The following DYRK2 variants were observed in gnomAD, a reference collection of about 807,000 sequenced individuals.
The protein encoded by DYRK2 is dual specificity tyrosine phosphorylation regulated kinase 2.
A neutral mutation model predicts 41.6 loss-of-function variants in DYRK2; 12 were observed. The ratio of observed to expected loss-of-function variants is 0.29; its 90% CI spans 0.18 to 0.47. DYRK2 has a LOEUF of 0.47. Ranked by LOEUF, DYRK2 falls within the 20% of genes least tolerant of loss-of-function variation. The probability of loss-of-function intolerance (pLI) is 1.00; values close to 1 mark genes in which losing one functional copy is unlikely to be tolerated. For missense variants in DYRK2, 678 were observed against 798.4 expected, an observed-to-expected ratio of 0.85 and a Z score of 1.82; for synonymous variants, 322 against 315.7, an observed-to-expected ratio of 1.02 and a Z score of -0.21.
chr12:67,649,743 G>T, intron 1 of DYRK2, 54 bp from the exon 2 acceptor site: 1 of 1,302,994 alleles, frequency 7.7e-7, no homozygotes, highest in Non-Finnish European at 9.8e-7. Flanking sequence ...GGGGGGTCTG[G>T]GTGACTTTCT....
chr12:67,650,288 C>G (rs1034966144), intron 2 of DYRK2, among the ~76,000 whole-genome samples: 1 of 152,228 alleles, frequency 6.6e-6, no homozygotes, highest in African/African-American at 2.4e-5. Context: ...CGGTAAACAT[C>G]TCTGTCCTTC....
rs535674843 is a variant in DYRK2 at position 67,658,401 on chromosome 12, C to T, written c.1494C>T (p.Asn498=). Residue 498 remains asparagine, a synonymous_variant, in exon 3 of 3, where the codon AAC becomes AAT. Transcript: ENST00000344096. This position sits in a 1 kb window ranked among gnomAD's most constrained non-coding sequence, Gnocchi z 4.3. Reference sequence around the variant, plus strand: ...CACCGGAGAGCAGAGAGTGGGGGAACGCGCTGAAGGGGTGTGATGATCCCC... The same window carrying T: ...CACCGGAGAGCAGAGAGTGGGGGAATGCGCTGAAGGGGTGTGATGATCCCC... ...RGPPESREWG[N]ALKGCDDPLF... is the part of the protein sequence containing the mutation. The T allele has an allele frequency of 1.2e-5, 19 of 1,598,610 alleles. No homozygotes were observed. The highest frequency in any genetic ancestry group is 6.7e-5 in the East Asian group (3 of 44,758).
intron 2 of DYRK2, among the ~76,000 whole-genome samples, chr12:67,654,923 A>G (rs949713810): frequency 6.6e-6 from 1 of 152,100 alleles, no homozygotes; most frequent in African/African-American, 2.4e-5. Flanking sequence ...GATCAGTTGC[A>G]GGGGGTTATG....
intron 2 of DYRK2, among the ~76,000 whole-genome samples, chr12:67,656,677 C>T (rs1475605705): frequency 6.6e-6 from 1 of 152,004 alleles, no homozygotes; most frequent in Non-Finnish European, 1.5e-5. Flanking sequence ...GACATGGTCC[C>T]TGTCTTCATG....
intron 2 of DYRK2, among the ~76,000 whole-genome samples, chr12:67,653,726 A>G (rs2120821200): frequency 6.6e-6 from 1 of 152,328 alleles, no homozygotes; most frequent in Admixed American, 6.5e-5. Context: ...AGAGTTAACA[A>G]GGAGGATCTA....
chr12:67,650,382 T>C (rs1394479594), intron 2 of DYRK2, among the ~76,000 whole-genome samples: 1 of 152,030 alleles, frequency 6.6e-6, no homozygotes, highest in Non-Finnish European at 1.5e-5. Context: ...GGAAAATCGA[T>C]CCCCCAAAGA....
chr12:67,651,181 T>G (rs1396498676), intron 2 of DYRK2, among the ~76,000 whole-genome samples: 1 of 152,192 alleles, frequency 6.6e-6, no homozygotes, highest in Non-Finnish European at 1.5e-5. Flanking sequence ...TGTTGGACTG[T>G]GGATGGTATA....
In DYRK2 at chr12:67,664,142, A is replaced by G. The variant is rs1158726346; in HGVS notation, c.*5429A>G. The G allele has an allele frequency of 6.6e-6, 1 of 152,168 alleles. No individual in the cohort carries two copies. The highest frequency in any genetic ancestry group is 1.9e-4 in the East Asian group (1 of 5,202). The allele number at this position is 152,168 out of a possible 1,614,324, so 9.4% of individuals were successfully genotyped here. ...AAATGACTGCCAGTGTGTTGCACAT[A>G]CATAAGAAAATTACATCTTACTGCG... On this transcript the variant is annotated 3_prime_UTR_variant, in exon 3 of 3. Coordinates refer to ENST00000344096, the MANE Select transcript of DYRK2 (RefSeq NM_006482.3).
At chr12:67,650,026 G>A in intron 2 of DYRK2, 81 bp downstream of exon 2, 1 of 1,248,698 alleles carries the variant, frequency 8.0e-7, no homozygotes, top group East Asian at 3.2e-5. Flanking sequence ...GGAGGGGTCT[G>A]ACGCCGGGAG....
At chr12:67,649,966 G>A (rs1872265706) in intron 2 of DYRK2, 21 bp downstream of exon 2, 1 of 1,325,046 alleles carries the variant, frequency 7.5e-7, no homozygotes, top group Non-Finnish European at 9.6e-7. Context: ...GCCCGCGGGC[G>A]GCCCGGGCGG....
In DYRK2 at chr12:67,662,062, A is replaced by C. The variant is rs1402485746; in HGVS notation, c.*3349A>C. The stretch of plus-strand genomic sequence containing the variant: ...CAGAATGTTAGAAAACACTTTAGGC[A>C]TCAGTAGCATTGGGCCATATTGGAA... On this transcript the variant is annotated 3_prime_UTR_variant, in exon 3 of 3. Transcript: ENST00000344096. The C allele has an allele frequency of 6.0e-6, 1 of 166,492 alleles. No homozygotes were observed. Among genetic ancestry groups the C allele is most frequent in the African/African-American group, 2.4e-5 (1 of 41,436 alleles). 10.3% of individuals were successfully genotyped at this position (166,492 alleles called of 1,614,324 possible). A position where few individuals can be genotyped will look rare whatever the true frequency, so the allele number is the denominator to read the frequency against.
At position 67,657,243 on chromosome 12, in the gene DYRK2, A is replaced by G; in HGVS notation, c.336A>G (p.Thr112=). 1 of 1,614,120 alleles carries G rather than the reference A, an allele frequency of 6.2e-7. No homozygotes were observed. Among genetic ancestry groups the G allele is most frequent in the Non-Finnish European group, 8.5e-7 (1 of 1,180,022 alleles). Residue 112 remains threonine (T), a synonymous_variant, in exon 3 of 3, where the codon ACA becomes ACG. Coordinates refer to ENST00000344096, the MANE Select transcript of DYRK2 (RefSeq NM_006482.3). The surrounding 1 kb of genome is among the most constrained non-coding windows in gnomAD (Gnocchi z 4.8). The stretch of plus-strand genomic sequence containing the variant: ...TCACGACACAACCAAATGGGCTTAC[A>G]ACAGTGGGCAAAACGGGCTTGCCAG... ...TVLTTQPNGL[T]TVGKTGLPVV...
chr12:67,661,954 G>A lies in DYRK2; in HGVS notation c.*3241G>A, dbSNP rs936969759. ...TGCCTGGCTCTAGTAAGGATGGCCA[G>A]GGATTTTTACAATTTGGGTGCAAGG... On this transcript the variant is annotated 3_prime_UTR_variant, in exon 3 of 3. Transcript: ENST00000344096. The A allele has an allele frequency of 1.2e-5, 2 of 166,602 alleles. No individual in the cohort carries two copies. The highest frequency in any genetic ancestry group is 2.9e-5 in the Non-Finnish European group (2 of 68,086). 10.3% of individuals were successfully genotyped at this position (166,602 alleles called of 1,614,324 possible).
Position 67,649,779 on chromosome 12 carries a change from C to G in DYRK2, c.50-18C>G. ...CCCCCCTGACCCTCTTTTGTCTCCT[C>G]CCGCACGTGGCTTCCAGGCCGAGGT... On this transcript the variant is annotated intron_variant, in intron 1 of 2. Transcript: ENST00000344096. 1 of 1,314,110 alleles carries G rather than the reference C, an allele frequency of 7.6e-7. No homozygotes were observed. The highest frequency in any genetic ancestry group is 9.8e-7 in the Non-Finnish European group (1 of 1,024,600). 81.4% of individuals were successfully genotyped at this position (1,314,110 alleles called of 1,614,324 possible). A position where few individuals can be genotyped will look rare whatever the true frequency, so the allele number is the denominator to read the frequency against.
Position 67,657,021 on chromosome 12 carries a change from G to A in DYRK2, c.199-85G>A. ...GGGATTTTGTAAATGTGAGGTTGGG[G>A]GCGGTGGTGTTGTTGGGGGTTACTT... On this transcript the variant is annotated intron_variant, in intron 2 of 2. Transcript: ENST00000344096. This position sits in a 1 kb window ranked among gnomAD's most constrained non-coding sequence, Gnocchi z 4.8. The A allele has an allele frequency of 7.4e-7, 1 of 1,352,484 alleles. No individual in the cohort carries two copies. The highest frequency in any genetic ancestry group is 2.5e-5 in the East Asian group (1 of 39,256). 83.8% of individuals were successfully genotyped at this position (1,352,484 alleles called of 1,614,324 possible). A position where few individuals can be genotyped will look rare whatever the true frequency, so the allele number is the denominator to read the frequency against.
chr12:67,654,278 G>T (rs368157884), intron 2 of DYRK2, among the ~76,000 whole-genome samples: 1 of 152,340 alleles, frequency 6.6e-6, no homozygotes, highest in South Asian at 2.1e-4. Flanking sequence ...AGTGACAGTA[G>T]TTGATGAGAA....
rs1409116646 is a variant in DYRK2, at chr12:67,649,958, C to T, written c.198+13C>T. 2 of 1,339,184 alleles carry T rather than the reference C, an allele frequency of 1.5e-6. No homozygotes were observed. Among genetic ancestry groups the T allele is most frequent in the South Asian group, 2.0e-5 (1 of 50,342 alleles). 83.0% of individuals were successfully genotyped at this position (1,339,184 alleles called of 1,614,324 possible). Reference sequence around the variant, plus strand: ...CGCAGCCCACACGGTGAGACCCAGCCCGCGGGCGGCCCGGGCGGTGGGGGC... The same window carrying T: ...CGCAGCCCACACGGTGAGACCCAGCTCGCGGGCGGCCCGGGCGGTGGGGGC... On this transcript the variant is annotated intron_variant, in intron 2 of 2. Transcript: ENST00000344096.
At chr12:67,650,542 G>A (rs1038979994) in intron 2 of DYRK2, among the ~76,000 whole-genome samples, 1 of 152,212 alleles carries the variant, frequency 6.6e-6, no homozygotes, top group African/African-American at 2.4e-5. Context: ...GTCAAAACAA[G>A]CCACCCCTGT....
intron 1 of DYRK2, 196 bp from the exon 2 acceptor site, chr12:67,649,601 C>G: frequency 6.3e-6 from 4 of 630,486 alleles, no homozygotes; most frequent in Non-Finnish European, 9.1e-6. Flanking sequence ...CCCCACTTAA[C>G]TTTGCAGCTG....
Sources: allele counts gnomAD v4.1 joint callset (sites outside exome capture counted in the v4.1 genomes callset), GRCh38; gene constraint gnomAD v4.1.1; non-coding constraint Gnocchi (gnomAD v3.1); transcripts MANE v1.5; gene names NCBI Gene and HGNC (gene_info 2026-07-23, HGNC 2026-07-21).